SLCO6A1: variants seen among roughly 807,000 people sequenced by gnomAD.
SLCO6A1 encodes cancer/testis antigen 48.
SLCO6A1 carries 65 observed loss-of-function variants against 72.7 expected under a neutral mutation model. The observed-to-expected ratio is 0.89, with a 90% CI of 0.73 to 1.10. SLCO6A1 has a LOEUF of 1.10. Ranked by LOEUF, SLCO6A1 falls within the 50% of genes least tolerant of loss-of-function variation. The pLI is 0.00. For synonymous variants in SLCO6A1, 314 were observed against 298.2 expected (o/e 1.05, Z -0.55); for missense variants, 874 against 872.6 (o/e 1.00, Z -0.02).
intron 8 of SLCO6A1, among the ~76,000 whole-genome samples, chr5:102,419,516 GCA>G (rs1239276888): frequency 6.6e-6 from 1 of 152,150 alleles, no homozygotes; most frequent in African/African-American, 2.4e-5. Context: ...GACTGGCTTT[GCA>G]CAGTTAGTAC....
chr5:102,498,832 C>G lies in SLCO6A1; in HGVS notation c.13G>C (p.Val5Leu). Reference protein sequence around the residue: MFVGVARHSGSQDEV... With the variant: MFVGLARHSGSQDEV... The stretch of plus-strand genomic sequence containing the variant: ...TCCTGGCTCCCAGAGTGCCGGGCGA[C>G]GCCTACGAACATGGCTCACCCTGGG... Residue 5 changes from valine (V) to leucine (L), a missense_variant, in exon 1 of 14, where the codon GTC (valine) becomes CTC (leucine). Physicochemically the swap from Val to Leu is conservative, Grantham distance 32. Transcript: ENST00000506729. The G allele has an allele frequency of 6.2e-7, 1 of 1,609,308 alleles. No homozygotes were observed. Among genetic ancestry groups the G allele is most frequent in the Non-Finnish European group, 8.5e-7 (1 of 1,178,584 alleles).
chr5:102,490,813 T>C (rs1752639743), intron 1 of SLCO6A1, among the ~76,000 whole-genome samples: 1 of 151,848 alleles, frequency 6.6e-6, no homozygotes, highest in Admixed American at 6.6e-5. Context: ...TCGCGGTGAG[T>C]GTTACCGCTC....
chr5:102,375,323 C>T (rs1342628477), intron 12 of SLCO6A1, among the ~76,000 whole-genome samples: 1 of 152,064 alleles, frequency 6.6e-6, no homozygotes, highest in African/African-American at 2.4e-5. Context: ...AAATTTGAAG[C>T]CAGTAGGGAA....
intron 6 of SLCO6A1, among the ~76,000 whole-genome samples, chr5:102,457,423 C>T (rs1333973009): frequency 2.0e-5 from 3 of 151,724 alleles, no homozygotes; most frequent in Non-Finnish European, 2.9e-5. Context: ...AAAACAACCC[C>T]ATCAAAAAGT....
chr5:102,382,537 T>C (rs1226259788), intron 12 of SLCO6A1, among the ~76,000 whole-genome samples: 2 of 151,636 alleles, frequency 1.3e-5, no homozygotes, highest in African/African-American at 4.8e-5. Context: ...ATTGGGATTT[T>C]GATAGGTACT....
intron 9 of SLCO6A1, among the ~76,000 whole-genome samples, chr5:102,411,591 C>T (rs1747984082): frequency 8.9e-6 from 1 of 112,720 alleles, no homozygotes; most frequent in Admixed American, 8.7e-5. Flanking sequence ...GAGGACTAAG[C>T]TCTGATTTTT....
At chr5:102,438,585 T>G (rs763240318) in intron 7 of SLCO6A1, 32 bp downstream of exon 7, 4 of 1,559,560 alleles carry the variant, frequency 2.6e-6, no homozygotes, top group Non-Finnish European at 3.5e-6. Flanking sequence ...CAGTGCAAAA[T>G]TTTTGAAATG....
At chr5:102,465,697 C>T (rs1751276093) in intron 4 of SLCO6A1, among the ~76,000 whole-genome samples, 2 of 152,048 alleles carry the variant, frequency 1.3e-5, no homozygotes, top group Admixed American at 1.3e-4. Context: ...CTGAGTTTAC[C>T]ATCACATCTT....
At chr5:102,492,967 A>T (rs553708303) in intron 1 of SLCO6A1, among the ~76,000 whole-genome samples, 1 of 152,306 alleles carries the variant, frequency 6.6e-6, no homozygotes, top group South Asian at 2.1e-4. Flanking sequence ...GGGGCAGGGC[A>T]TAGCCAAACA....
chr5:102,425,955 A>T (rs1284726182), intron 7 of SLCO6A1, among the ~76,000 whole-genome samples: 1 of 152,178 alleles, frequency 6.6e-6, no homozygotes, highest in Non-Finnish European at 1.5e-5. Flanking sequence ...AGCCCTCAGA[A>T]ATAATGCTGT....
At position 102,477,838 on chromosome 5, in the gene SLCO6A1, C is replaced by A; in HGVS notation, c.640G>T (p.Val214Phe). Reference sequence around the variant, plus strand: ...ATACCACTGCTCTGGCAACCACTGACAACCTTTATTTCTTCGCAAATATCT... The same window carrying A: ...ATACCACTGCTCTGGCAACCACTGAAAACCTTTATTTCTTCGCAAATATCT... ...IEDICEEIKV[V>F]SGCQSSGISF... Residue 214 changes from valine (V) to phenylalanine (F), a missense_variant, in exon 3 of 14, where the codon GTC (valine) becomes TTC (phenylalanine). Physicochemically the swap from Val to Phe is conservative, Grantham distance 50 (BLOSUM62 -1). Coordinates refer to ENST00000506729, the MANE Select transcript of SLCO6A1 (RefSeq NM_173488.5). The A allele has an allele frequency of 1.2e-6, 2 of 1,606,348 alleles. 1 individual carries two copies. The highest frequency in any genetic ancestry group is 2.7e-5 in the African/African-American group (2 of 74,724).
intron 7 of SLCO6A1, among the ~76,000 whole-genome samples, chr5:102,429,810 T>C (rs1580412106): frequency 6.6e-6 from 1 of 152,058 alleles, no homozygotes; most frequent in African/African-American, 2.4e-5. Flanking sequence ...TCCATATGAA[T>C]TTTAAAATAG....
intron 10 of SLCO6A1, among the ~76,000 whole-genome samples, chr5:102,398,812 T>G (rs1747241883): frequency 6.6e-6 from 1 of 152,212 alleles, no homozygotes; most frequent in African/African-American, 2.4e-5. Context: ...CCTGCTAAGG[T>G]CTTGTCCCCC....
intron 6 of SLCO6A1, among the ~76,000 whole-genome samples, chr5:102,439,630 A>G (rs1749730151): frequency 1.3e-5 from 2 of 152,082 alleles, no homozygotes; most frequent in Admixed American, 1.3e-4. Flanking sequence ...TCTTGCCTTC[A>G]ACTCTCTACC....
chr5:102,430,051 A>G (rs1749128975), intron 7 of SLCO6A1, among the ~76,000 whole-genome samples: 1 of 151,978 alleles, frequency 6.6e-6, no homozygotes, highest in Non-Finnish European at 1.5e-5. Context: ...AGGTATTTAA[A>G]TCTTTTTGTG....
chr5:102,376,526 G>T (rs987109497), intron 12 of SLCO6A1, among the ~76,000 whole-genome samples: 1 of 151,872 alleles, frequency 6.6e-6, no homozygotes, highest in Non-Finnish European at 1.5e-5. Flanking sequence ...AAACAATAGG[G>T]CTTCAAAATA....
chr5:102,469,092 G>A (rs918309421), intron 4 of SLCO6A1, among the ~76,000 whole-genome samples: 6 of 151,650 alleles, frequency 4.0e-5, no homozygotes, highest in African/African-American at 1.2e-4. Flanking sequence ...GTCAGGTAGC[G>A]TGATGCCTCC....
intron 3 of SLCO6A1, among the ~76,000 whole-genome samples, chr5:102,476,278 C>G (rs1751896539): frequency 6.6e-6 from 1 of 152,090 alleles, no homozygotes; most frequent in African/African-American, 2.4e-5. Context: ...CAGACAGATT[C>G]ATTTTAAGGA....
At chr5:102,413,337 C>T (rs1748095443) in intron 8 of SLCO6A1, among the ~76,000 whole-genome samples, 194 bp from the exon 9 acceptor site, 1 of 151,886 alleles carries the variant, frequency 6.6e-6, no homozygotes, top group Non-Finnish European at 1.5e-5. Flanking sequence ...TATGTGTATA[C>T]ACTTGTGAAA....
Sources: gnomAD v4.1 joint callset for allele counts (sites outside exome capture counted in the v4.1 genomes callset) on GRCh38, gnomAD v4.1.1 for gene constraint, MANE v1.5 for transcripts, NCBI Gene and HGNC (gene_info 2026-07-23, HGNC 2026-07-21) for gene names.